Variants in TMEM132D observed in about 807,000 individuals in gnomAD.
TMEM132D encodes transmembrane protein 132D, also known as mature OL transmembrane protein.
In TMEM132D, 21 loss-of-function variants were observed where a neutral mutation model predicts 62.3. The observed-to-expected ratio is 0.34, with a 90% CI of 0.24 to 0.49. TMEM132D has a LOEUF of 0.49. TMEM132D is among the 20% of genes least tolerant of loss of function. The pLI is 0.99. For missense variants in TMEM132D, 1,346 were observed against 1,402.8 expected, an observed-to-expected ratio of 0.96 and a Z score of 0.65; for synonymous variants, 621 against 575.6, an observed-to-expected ratio of 1.08 and a Z score of -1.13.
intron 2 of TMEM132D, among the ~76,000 whole-genome samples, chr12:129,615,490 C>T (rs1340994819): frequency 6.7e-6 from 1 of 150,362 alleles, no homozygotes; most frequent in Admixed American, 6.6e-5. Flanking sequence ...GTGGCTCACA[C>T]CTGTAATCCC....
At chr12:129,846,230 C>G (rs191774207) in intron 1 of TMEM132D, among the ~76,000 whole-genome samples, 80 of 152,310 alleles carry the variant, frequency 5.3e-4, no homozygotes, top group African/African-American at 1.8e-3. Context: ...ATTACCCATG[C>G]ACTTATCATG....
chr12:129,741,076 T>C (rs1159499617), intron 1 of TMEM132D, among the ~76,000 whole-genome samples: 1 of 152,230 alleles, frequency 6.6e-6, no homozygotes, highest in Non-Finnish European at 1.5e-5. Context: ...ACATTGACTT[T>C]GATGTCAAGT....
At chr12:129,394,557 T>C (rs536044390) in intron 3 of TMEM132D, among the ~76,000 whole-genome samples, 20 of 152,140 alleles carry the variant, frequency 1.3e-4, no homozygotes, top group South Asian at 1.2e-3. Flanking sequence ...CTCCCAAATA[T>C]AGGCCATCCT....
intron 2 of TMEM132D, among the ~76,000 whole-genome samples, chr12:129,673,211 T>C (rs915444530): frequency 9.2e-5 from 14 of 152,372 alleles, no homozygotes; most frequent in African/African-American, 3.4e-4. Flanking sequence ...TCCATTACTA[T>C]ATATTAACTC....
At chr12:129,561,311 G>T (rs1005791542) in intron 2 of TMEM132D, among the ~76,000 whole-genome samples, 2 of 152,150 alleles carry the variant, frequency 1.3e-5, no homozygotes, top group Non-Finnish European at 1.5e-5. Context: ...CAAATGCCTT[G>T]CATGGGAGCC....
intron 2 of TMEM132D, among the ~76,000 whole-genome samples, chr12:129,542,877 G>T (rs1351913115): frequency 6.6e-6 from 1 of 151,786 alleles, no homozygotes; most frequent in Non-Finnish European, 1.5e-5. Flanking sequence ...ATTTACCATT[G>T]TGTTACAGTT....
At chr12:129,847,075 A>G (rs888074251) in intron 1 of TMEM132D, among the ~76,000 whole-genome samples, 3 of 152,236 alleles carry the variant, frequency 2.0e-5, no homozygotes, top group African/African-American at 7.2e-5. Flanking sequence ...AATTAGAGTA[A>G]GAGGAGAGAT....
chr12:129,780,045 C>G (rs553071382), intron 1 of TMEM132D, among the ~76,000 whole-genome samples: 8 of 152,050 alleles, frequency 5.3e-5, no homozygotes, highest in African/African-American at 1.9e-4. Flanking sequence ...AGAGCCGACT[C>G]CACACCCTGA....
intron 3 of TMEM132D, among the ~76,000 whole-genome samples, chr12:129,362,823 T>C (rs1041841580): frequency 3.3e-5 from 5 of 152,174 alleles, no homozygotes; most frequent in Non-Finnish European, 7.3e-5. Flanking sequence ...AAACCAATTA[T>C]ACACAATTAG....
Position 129,324,958 on chromosome 12 carries a change from C to T in TMEM132D, c.1299+12676G>A, listed in dbSNP as rs143356579. On this transcript the variant is annotated intron_variant, in intron 4 of 8. Coordinates refer to ENST00000422113, the MANE Select transcript of TMEM132D (RefSeq NM_133448.3). ...TGTAAAGCCACTGAGTGTCAGACCC[C>T]GTGCTACGTGTTTGACTTCCACACT... 2.6e-3 allele frequency among the ~76,000 whole-genome samples: 402 copies of T among 152,296 alleles called. 2 individuals carry two copies. The highest frequency in any genetic ancestry group is 9.2e-3 in the African/African-American group (384 of 41,562).
In TMEM132D at chr12:129,896,873, T is replaced by A. The variant is rs193056391; in HGVS notation, c.79+6388A>T. ...ATTTGAATTCTCTTTCAAAGGCATG[T>A]TTTTTACCTTTATAACTGTTGACTG... On this transcript the variant is annotated intron_variant, in intron 1 of 8. Transcript: ENST00000422113. Among the ~76,000 whole-genome samples, 219 of 152,334 alleles carry A rather than the reference T, an allele frequency of 1.4e-3. 2 individuals carry two copies. The highest frequency in any genetic ancestry group is 5.1e-3 in the African/African-American group (210 of 41,564).
chr12:129,793,394 C>G (rs1463343066), intron 1 of TMEM132D, among the ~76,000 whole-genome samples: 2 of 152,258 alleles, frequency 1.3e-5, no homozygotes, highest in East Asian at 3.9e-4. Context: ...TTTTTTGAGA[C>G]AGGGTCTCGC....
intron 2 of TMEM132D, among the ~76,000 whole-genome samples, chr12:129,669,782 T>C (rs905708944): frequency 6.6e-5 from 10 of 152,158 alleles, no homozygotes; most frequent in Non-Finnish European, 1.5e-4. Flanking sequence ...ATCCTAGGAC[T>C]CATTATTTCC....
At chr12:129,215,674 G>A (rs917766878) in intron 4 of TMEM132D, among the ~76,000 whole-genome samples, 6 of 152,188 alleles carry the variant, frequency 3.9e-5, no homozygotes, top group African/African-American at 1.4e-4. Context: ...ATAGTTAAGT[G>A]CAGGGACTCT....
intron 2 of TMEM132D, among the ~76,000 whole-genome samples, chr12:129,628,152 G>A (rs1315753237): frequency 6.6e-6 from 1 of 152,186 alleles, no homozygotes; most frequent in Non-Finnish European, 1.5e-5. Context: ...TTTCAATAAA[G>A]CAAGTGTTAA....
At chr12:129,533,234 C>T (rs1876279212) in intron 2 of TMEM132D, among the ~76,000 whole-genome samples, 2 of 152,146 alleles carry the variant, frequency 1.3e-5, no homozygotes, top group African/African-American at 2.4e-5. Context: ...TGAATGCAGT[C>T]GTTTAAAAAC....
chr12:129,453,717 T>C (rs11060355), intron 3 of TMEM132D, among the ~76,000 whole-genome samples: 28,153 of 152,180 alleles, frequency 0.18, 2,703 homozygotes, highest in Middle Eastern at 0.24. Flanking sequence ...ATGTCTCTTC[T>C]TTGTTTGCTC....
At chr12:129,219,823 C>CAAGGCTCCACATGCCCTGGATG (rs1879304393) in intron 4 of TMEM132D, among the ~76,000 whole-genome samples, 1 of 152,122 alleles carries the variant, frequency 6.6e-6, no homozygotes, top group Non-Finnish European at 1.5e-5. Context: ...ATCCAGAGAT[C>CAAGGCTCCACATGCCCTGGATG]AAGGCTCCAC....
intron 3 of TMEM132D, among the ~76,000 whole-genome samples, chr12:129,523,493 A>G (rs182818653): frequency 6.6e-6 from 1 of 152,322 alleles, no homozygotes; most frequent in African/African-American, 2.4e-5. Flanking sequence ...AGCAGTCGGT[A>G]TTTTAGTATT....
Sources: gnomAD v4.1 joint callset for allele counts (sites outside exome capture counted in the v4.1 genomes callset) on GRCh38, gnomAD v4.1.1 for gene constraint, MANE v1.5 for transcripts, NCBI Gene and HGNC (gene_info 2026-07-23, HGNC 2026-07-21) for gene names.